Variants in SMARCA2 observed in about 807,000 individuals in gnomAD.
The protein encoded by SMARCA2 is SWI/SNF-related matrix-associated actin-dependent regulator of chromatin subfamily A member 2.
In SMARCA2, 61 loss-of-function variants were observed where a neutral mutation model predicts 199.8. That is an observed-to-expected ratio of 0.31 (90% CI 0.25 to 0.38). SMARCA2 has a LOEUF of 0.38. SMARCA2 is among the 10% of genes least tolerant of loss of function. SMARCA2 has a pLI of 1.00. For synonymous variants in SMARCA2, 935 were observed against 732.0 expected (o/e 1.28, Z -4.48); for missense variants, 1,344 against 2,012.2 (o/e 0.67, Z 6.35).
At chr9:2,172,654 C>T (rs1419932086) in intron 29 of SMARCA2, among the ~76,000 whole-genome samples, 2 of 152,044 alleles carry the variant, frequency 1.3e-5, no homozygotes, top group African/African-American at 4.8e-5. Context: ...ATGTACTCTT[C>T]TAGGAGTGGG....
At chr9:2,099,525 AG>A (rs1418022349) in intron 21 of SMARCA2, among the ~76,000 whole-genome samples, 1 of 152,056 alleles carries the variant, frequency 6.6e-6, no homozygotes, top group African/African-American at 2.4e-5. Flanking sequence ...ATAGAGGAGG[AG>A]GGGGAATCAT....
intron 8 of SMARCA2, among the ~76,000 whole-genome samples, chr9:2,058,691 C>G (rs1311212700): frequency 1.3e-5 from 2 of 152,068 alleles, no homozygotes; most frequent in Non-Finnish European, 2.9e-5. Flanking sequence ...TTTCTGTGTC[C>G]TGGGGTGGCA....
At chr9:2,182,955 A>T (rs1055158995) in intron 31 of SMARCA2, among the ~76,000 whole-genome samples, 1 of 147,304 alleles carries the variant, frequency 6.8e-6, no homozygotes, top group Non-Finnish European at 1.5e-5. Context: ...CACGCCAGGC[A>T]AATTTTTGTA....
rs111606727 is a variant in SMARCA2 at position 2,073,295 on chromosome 9, A to T, written c.1830A>T (p.Glu610Asp). Residue 610 changes from glutamate to aspartate, a missense_variant, in exon 11 of 34, where the codon GAA becomes GAT. Physicochemically the swap from Glu to Asp is conservative, Grantham distance 45 (BLOSUM62 2). Around this residue, in one of 18 missense-constraint regions of SMARCA2, gnomAD observed 106 missense variants for 179.7 expected, o/e 0.59. Coordinates refer to ENST00000349721, the MANE Select transcript of SMARCA2 (RefSeq NM_003070.5). ...TETGKVLFGP[E>D]APKASQLDAW... The stretch of plus-strand genomic sequence containing the variant: ...CCGGCAAGGTTCTGTTCGGACCAGA[A>T]GCACCCAAAGCAAGTCAGCTGGACG... 6.2e-7 allele frequency: 1 copy of T among 1,614,100 alleles called. No individual in the cohort carries two copies. Among genetic ancestry groups the T allele is most frequent in the South Asian group, 1.1e-5 (1 of 91,088 alleles).
intron 29 of SMARCA2, among the ~76,000 whole-genome samples, chr9:2,174,924 CAAAAAAAAAAAAAAAAAA>C (rs61327057): frequency 1.6e-5 from 1 of 62,320 alleles, no homozygotes; most frequent in Admixed American, 2.3e-4. Flanking sequence ...GACCCTCTCT[CAAAAAAAAAAAAAAAAAA>C]AAAAAAAAAA....
At chr9:2,147,777 G>A (rs188724570) in intron 27 of SMARCA2, among the ~76,000 whole-genome samples, 6 of 151,566 alleles carry the variant, frequency 4.0e-5, no homozygotes, top group Admixed American at 3.3e-4. Context: ...GAACCCGGGA[G>A]GCAGAGGTTG....
In SMARCA2 at chr9:2,039,748, C is replaced by A; in HGVS notation, c.638C>A (p.Pro213His). 1 of 1,613,738 alleles carries A rather than the reference C, an allele frequency of 6.2e-7. No homozygotes were observed. The highest frequency in any genetic ancestry group is 1.7e-5 in the Admixed American group (1 of 60,012). The change falls in exon 4 of 34, where the codon CCT (proline) becomes CAT (histidine). Residue 213 changes from proline (P) to histidine (H), a missense_variant. Pro to His is a moderately conservative substitution (Grantham distance 77, BLOSUM62 -2). Coordinates refer to ENST00000349721, the MANE Select transcript of SMARCA2 (RefSeq NM_003070.5). The surrounding 1 kb of genome is among the most constrained non-coding windows in gnomAD (Gnocchi z 4.8). ...QLAVQGKRTL[P>H]GLQQQQQQQQ... ...GCAGTCCAGGGGAAAAGGACGTTGC[C>A]TGGCTTGCAGCAACAACAGCAGCAG... is the stretch of plus-strand genomic sequence containing the variant.
chr9:2,160,481 TC>T, intron 27 of SMARCA2: 1 of 584,530 alleles, frequency 1.7e-6, no homozygotes, highest in South Asian at 2.2e-5. Context: ...CAGGTTTTCT[TC>T]ACAAAACCTT....
chr9:2,161,922 C>A lies in SMARCA2; in HGVS notation c.4199+19C>A. ...AAGATAGGTGAGTGTTTGGTTCCTT[C>A]ACCTTGATCATCTCTCACCAAGACG... On this transcript the variant is annotated intron_variant, in intron 28 of 33. Transcript: ENST00000349721. The surrounding 1 kb of genome is among the most constrained non-coding windows in gnomAD (Gnocchi z 4.7). 6.3e-7 allele frequency: 1 copy of A among 1,596,024 alleles called. No homozygotes were observed.
At position 2,170,769 on chromosome 9, in the gene SMARCA2, G is replaced by A. The variant is rs1016240266; in HGVS notation, c.4253+297G>A. Among the ~76,000 whole-genome samples, 5 of 152,212 alleles carry A rather than the reference G, an allele frequency of 3.3e-5. No homozygotes were observed. The highest frequency in any genetic ancestry group is 1.2e-4 in the African/African-American group (5 of 41,444). Reference sequence around the variant, plus strand: ...TGCAGCATCTTGGAGATGGGTTTCTGTTGCTTCCCCCTCCCTTCCAGCGCA... The same window carrying A: ...TGCAGCATCTTGGAGATGGGTTTCTATTGCTTCCCCCTCCCTTCCAGCGCA... On this transcript the variant is annotated intron_variant, in intron 29 of 33. Coordinates refer to ENST00000349721, the MANE Select transcript of SMARCA2 (RefSeq NM_003070.5). The surrounding 1 kb of genome is among the most constrained non-coding windows in gnomAD (Gnocchi z 4.7).
intron 3 of SMARCA2, among the ~76,000 whole-genome samples, chr9:2,034,144 CTGAGGCA>C (rs749734550): frequency 6.7e-6 from 1 of 148,350 alleles, no homozygotes; most frequent in Non-Finnish European, 1.5e-5. Flanking sequence ...ACTTGGGAGG[CTGAGGCA>C]TGAGAATCGC....
chr9:2,084,259 GC>G (rs1821698984), intron 17 of SMARCA2, 63 bp downstream of exon 17: 3 of 835,450 alleles, frequency 3.6e-6, no homozygotes, highest in Non-Finnish European at 3.9e-6. Flanking sequence ...GTGAAGTATT[GC>G]CCAAGTCAGT....
intron 22 of SMARCA2, among the ~76,000 whole-genome samples, chr9:2,103,720 G>C (rs952679986): frequency 1.3e-5 from 2 of 151,810 alleles, no homozygotes; most frequent in African/African-American, 4.8e-5. Flanking sequence ...GAGAAAGATT[G>C]AAAGTATTAA....
chr9:2,150,467 A>G (rs10757221), intron 27 of SMARCA2, among the ~76,000 whole-genome samples: 74,152 of 151,140 alleles, frequency 0.49, 20,617 homozygotes, highest in Non-Finnish European at 0.6. Context: ...GCTGCCTGAT[A>G]CAGAAGATGG....
At chr9:2,093,277 A>G (rs192500212) in intron 19 of SMARCA2, among the ~76,000 whole-genome samples, 4 of 152,344 alleles carry the variant, frequency 2.6e-5, no homozygotes, top group Admixed American at 2.0e-4. Flanking sequence ...GGAAATGCTT[A>G]TTAGTAATCC....
rs1819476898 is a variant in SMARCA2, at chr9:2,039,368, G to C, written c.356-98G>C. The C allele has an allele frequency of 8.8e-7, 1 of 1,137,546 alleles. No homozygotes were observed. Among genetic ancestry groups the C allele is most frequent in the East Asian group, 2.4e-5 (1 of 41,792 alleles). The allele number at this position is 1,137,546 out of a possible 1,614,324, so 70.5% of individuals were successfully genotyped here. A position where few individuals can be genotyped will look rare whatever the true frequency, so the allele number is the denominator to read the frequency against. On this transcript the variant is annotated intron_variant, in intron 3 of 33. Transcript: ENST00000349721. This position sits in a 1 kb window ranked among gnomAD's most constrained non-coding sequence, Gnocchi z 4.8. ...TGATATGTCATTCAAATTTCTGTCA[G>C]ACAGTGTTGCTGTGGACAATTATTA...
chr9:2,070,500 T>C (rs776330165), intron 10 of SMARCA2, 29 bp downstream of exon 10: 1 of 1,565,034 alleles, frequency 6.4e-7, no homozygotes. Context: ...TTCCACTGTG[T>C]TCTGCTGAAT....
intron 5 of SMARCA2, among the ~76,000 whole-genome samples, chr9:2,051,578 T>G (rs1820121147): frequency 6.6e-6 from 1 of 152,168 alleles, no homozygotes; most frequent in Admixed American, 6.5e-5. Flanking sequence ...AGTTCCATGG[T>G]TGTTTGGAAG....
intron 1 of SMARCA2, among the ~76,000 whole-genome samples, chr9:2,018,214 G>T (rs1429371337): frequency 6.6e-6 from 1 of 152,222 alleles, no homozygotes; most frequent in Non-Finnish European, 1.5e-5. Flanking sequence ...GAGGGAGTGG[G>T]GGTGTTGTGC....
Sources: gnomAD v4.1 joint callset for allele counts (sites outside exome capture counted in the v4.1 genomes callset) on GRCh38, gnomAD v4.1.1 for gene constraint, gnomAD v4.1.1 regional missense constraint, Gnocchi (gnomAD v3.1) non-coding constraint, MANE v1.5 for transcripts, NCBI Gene and HGNC (gene_info 2026-07-23, HGNC 2026-07-21) for gene names.